LINGO1: variants seen among roughly 807,000 people sequenced by gnomAD.
LINGO1 encodes the protein leucine rich repeat and Ig domain containing 1.
A neutral mutation model predicts 37.3 loss-of-function variants in LINGO1; 11 were observed. The observed-to-expected ratio is 0.29, with a 90% CI of 0.19 to 0.49. The LOEUF (loss-of-function observed/expected upper bound fraction) is 0.49, where lower values mean the gene tolerates loss of function less well. Ranked by LOEUF, LINGO1 falls within the 20% of genes least tolerant of loss-of-function variation. The probability of loss-of-function intolerance (pLI) is 0.99; values close to 1 mark genes in which losing one functional copy is unlikely to be tolerated. For missense variants in LINGO1, 585 were observed against 878.2 expected (o/e 0.67, Z 4.22); for synonymous variants, 387 against 403.0 (o/e 0.96, Z 0.48).
chr15:77,691,785 T>C lies in LINGO1; in HGVS notation c.-280-884A>G, dbSNP rs746939939. Among the ~76,000 whole-genome samples the C allele has an allele frequency of 2.9e-4, 44 of 151,846 alleles. 2 individuals are homozygous for C. Among genetic ancestry groups the C allele is most frequent in the Admixed American group, 2.7e-3 (41 of 15,262 alleles). On this transcript the variant is annotated intron_variant, in intron 1 of 3. Coordinates refer to the LINGO1 transcript ENST00000559893. ...AGTATTACACAGCCATTAAAAATGA[T>C]CAAGCAGAGACCGGTAGTGACGCTG...
chr15:77,672,092 C>G (rs1312842323), intron 3 of LINGO1, among the ~76,000 whole-genome samples: 1 of 151,572 alleles, frequency 6.6e-6, no homozygotes, highest in Non-Finnish European at 1.5e-5. Flanking sequence ...TGCCAGTTCC[C>G]TCTCTGAACT....
intron 3 of LINGO1, among the ~76,000 whole-genome samples, chr15:77,656,422 G>A (rs529875240): frequency 1.3e-5 from 2 of 152,254 alleles, no homozygotes; most frequent in African/African-American, 4.8e-5. Context: ...CACCGCCTGC[G>A]AAGTATGGTT....
chr15:77,683,057 G>A (rs926521579), intron 2 of LINGO1, among the ~76,000 whole-genome samples: 17 of 152,224 alleles, frequency 1.1e-4, no homozygotes, highest in Non-Finnish European at 1.5e-4. Flanking sequence ...AAAAAGAAAA[G>A]AAAAATGGGC....
rs548051555 is a variant in LINGO1, at chr15:77,803,143, C to A, written c.-457-7090G>T. On this transcript the variant is annotated intron_variant, in intron 1 of 5. Coordinates refer to the LINGO1 transcript ENST00000562933. ...AGTGAAGCCCCTCTGGTACACCCACCCTGTGCTCACCTCTGTCCCACCCTC... is the reference window on the plus strand; with the variant it reads ...AGTGAAGCCCCTCTGGTACACCCACACTGTGCTCACCTCTGTCCCACCCTC... Among the ~76,000 whole-genome samples, 7 of 152,342 alleles carry A rather than the reference C, an allele frequency of 4.6e-5. No homozygotes were observed. The South Asian group carries it at 1.4e-3, about 32-fold the overall frequency.
At chr15:77,706,950 G>A (rs906333442) in intron 2 of LINGO1, among the ~76,000 whole-genome samples, 1 of 152,242 alleles carries the variant, frequency 6.6e-6, no homozygotes, top group Non-Finnish European at 1.5e-5. Context: ...GGGTAGGCAT[G>A]GTTCTGCCTC....
At chr15:77,627,400 G>A (rs2074127248) in intron 1 of LINGO1, among the ~76,000 whole-genome samples, 8 of 152,150 alleles carry the variant, frequency 5.3e-5, no homozygotes, top group Admixed American at 5.2e-4. Context: ...GCAAGGATCT[G>A]GAGGGCCTCG....
chr15:77,735,289 C>T (rs2076193234), intron 1 of LINGO1, among the ~76,000 whole-genome samples: 1 of 152,342 alleles, frequency 6.6e-6, no homozygotes, highest in African/African-American at 2.4e-5. Flanking sequence ...GCCTGGGCTA[C>T]AGCAGGCTGG....
At chr15:77,747,388 T>C (rs909411833) in intron 1 of LINGO1, among the ~76,000 whole-genome samples, 1 of 152,154 alleles carries the variant, frequency 6.6e-6, no homozygotes, top group Non-Finnish European at 1.5e-5. Flanking sequence ...CAGCTCAGCA[T>C]GCCCAGGGAC....
Position 77,684,260 on chromosome 15 carries a change from T to C in LINGO1, c.-99+6460A>G, listed in dbSNP as rs529151056. 1.1e-3 allele frequency among the ~76,000 whole-genome samples: 160 copies of C among 152,326 alleles called. 1 individual carries two copies. Among genetic ancestry groups the C allele is most frequent in the Middle Eastern group, 6.8e-3 (2 of 294 alleles). ...GGGCTGTGCAACGTGCCTTGCATTG[T>C]ATTGACTCATTGAATCCTCCTAGCA... On this transcript the variant is annotated intron_variant, in intron 2 of 3. Coordinates refer to the LINGO1 transcript ENST00000559893.
At chr15:77,734,840 A>G (rs1001752614) in intron 2 of LINGO1, among the ~76,000 whole-genome samples, 6 of 152,130 alleles carry the variant, frequency 3.9e-5, no homozygotes, top group Non-Finnish European at 5.9e-5. Flanking sequence ...GTGACTCAAA[A>G]GCGCCCCTCC....
chr15:77,808,472 C>T (rs1227263381), intron 1 of LINGO1, among the ~76,000 whole-genome samples: 1 of 152,196 alleles, frequency 6.6e-6, no homozygotes, highest in Non-Finnish European at 1.5e-5. Context: ...TGCTGGCCTG[C>T]CAGCCAGGCC....
At chr15:77,648,161 C>G (rs149190732) in intron 3 of LINGO1, 2 of 335,636 alleles carry the variant, frequency 6.0e-6, no homozygotes, top group East Asian at 1.6e-4. Context: ...GACTGAGTCC[C>G]AAGATCACCC....
intron 1 of LINGO1, among the ~76,000 whole-genome samples, chr15:77,778,492 C>T (rs2076683622): frequency 6.6e-6 from 1 of 152,240 alleles, no homozygotes; most frequent in Non-Finnish European, 1.5e-5. Flanking sequence ...ATGACCACAG[C>T]TGAGTGCCTC....
chr15:77,656,464 C>T (rs962757832), intron 3 of LINGO1, among the ~76,000 whole-genome samples: 4 of 152,204 alleles, frequency 2.6e-5, no homozygotes, highest in Admixed American at 1.3e-4. Flanking sequence ...TGCCAGTGTG[C>T]GGGTTCTCAT....
intron 3 of LINGO1, among the ~76,000 whole-genome samples, chr15:77,659,318 C>A (rs1334620771): frequency 3.3e-5 from 5 of 152,080 alleles, no homozygotes; most frequent in Non-Finnish European, 4.4e-5. Context: ...CAAGACCCAG[C>A]CCAAATGCCA....
At chr15:77,615,975 C>T (rs2073705540) in intron 1 of LINGO1, 75 bp from the exon 2 acceptor site, 3 of 1,087,752 alleles carry the variant, frequency 2.8e-6, no homozygotes, top group Non-Finnish European at 2.5e-6. Context: ...CCCCAAGCCA[C>T]CTGGGCCCCT....
rs59578703 is a variant in LINGO1, at chr15:77,644,688, C to T, written c.-12-28788G>A. On this transcript the variant is annotated intron_variant, in intron 3 of 3. Coordinates refer to the LINGO1 transcript ENST00000559893. ...TGGCCACTTCGGAAGCTGAGGGACA[C>T]AGCACTGGCTGGCTCCCTCAATCCC... is the stretch of plus-strand genomic sequence containing the variant. 7.4e-3 allele frequency among the ~76,000 whole-genome samples: 1,125 copies of T among 152,342 alleles called. 10 individuals carry two copies. The highest frequency in any genetic ancestry group is 0.026 in the African/African-American group (1,077 of 41,576).
intron 3 of LINGO1, chr15:77,646,623 C>A: frequency 3.3e-6 from 1 of 303,828 alleles, no homozygotes; most frequent in South Asian, 2.7e-5. Context: ...TGTGGCAGAG[C>A]ATAAAACCAC....
chr15:77,627,567 C>T (rs1368017600), intron 1 of LINGO1, among the ~76,000 whole-genome samples: 1 of 152,154 alleles, frequency 6.6e-6, no homozygotes, highest in Non-Finnish European at 1.5e-5. Context: ...CCTGGGTCAC[C>T]AAACTCTTAT....
Sources: gnomAD v4.1 joint callset for allele counts (sites outside exome capture counted in the v4.1 genomes callset) on GRCh38, gnomAD v4.1.1 for gene constraint, MANE v1.5 for transcripts, NCBI Gene and HGNC (gene_info 2026-07-23, HGNC 2026-07-21) for gene names.